The following ADGRE2 variants were observed in gnomAD, a reference collection of about 807,000 sequenced individuals.
The protein encoded by ADGRE2 is CD97 antigen.
In ADGRE2, 83 loss-of-function variants were observed where a neutral mutation model predicts 100.8. The ratio of observed to expected loss-of-function variants is 0.82; its 90% confidence interval spans 0.69 to 0.99. The LOEUF is 0.99. ADGRE2 is among the 50% of genes least tolerant of loss of function. The pLI is 0.00. For missense variants in ADGRE2, 814 were observed against 1,035.7 expected, an observed-to-expected ratio of 0.79 and a Z score of 2.94; for synonymous variants, 355 against 413.0, an observed-to-expected ratio of 0.86 and a Z score of 1.70.
chr19:14,749,443 A>T (rs1242597965), intron 16 of ADGRE2, among the ~76,000 whole-genome samples: 1 of 141,036 alleles, frequency 7.1e-6, no homozygotes, highest in African/African-American at 2.5e-5. Flanking sequence ...ATGTAATATA[A>T]TTATTTATAG....
In ADGRE2 at chr19:14,746,225, A is replaced by G; in HGVS notation, c.2183+7T>C. The G allele has an allele frequency of 6.4e-7, 1 of 1,558,388 alleles. No homozygotes were observed. The highest frequency in any genetic ancestry group is 8.8e-7 in the Non-Finnish European group (1 of 1,131,166). On this transcript the variant is annotated splice_region_variant and intron_variant, in intron 18 of 20. Coordinates refer to ENST00000315576, the MANE Select transcript of ADGRE2 (RefSeq NM_013447.4). ...CTGTGTGGTTATCACCCCCTTCTCC[A>G]TCTTACCTTGTGTTCCGGAGGGTGG... is the stretch of plus-strand genomic sequence containing the variant.
chr19:14,768,432 G>A (rs1287387918), intron 5 of ADGRE2, among the ~76,000 whole-genome samples: 1 of 152,230 alleles, frequency 6.6e-6, no homozygotes, highest in Non-Finnish European at 1.5e-5. Context: ...CCTGGGTGAA[G>A]GTTTAGTGGC....
intron 10 of ADGRE2, 34 bp downstream of exon 10, chr19:14,765,286 T>C (rs758148212): frequency 1.2e-6 from 2 of 1,613,302 alleles, no homozygotes; most frequent in South Asian, 2.2e-5. Context: ...GCCACCTTCC[T>C]GCCTCGCCCC....
chr19:14,748,734 A>G (rs978838201), intron 16 of ADGRE2, among the ~76,000 whole-genome samples: 1 of 152,198 alleles, frequency 6.6e-6, no homozygotes, highest in Non-Finnish European at 1.5e-5. Context: ...TAGTGTTAAT[A>G]GTTCACAAAA....
At chr19:14,738,435 G>A (rs1386759133) in intron 20 of ADGRE2, among the ~76,000 whole-genome samples, 1 of 152,118 alleles carries the variant, frequency 6.6e-6, no homozygotes, top group East Asian at 1.9e-4. Context: ...CTGGAGTGCA[G>A]TGATGGGATC....
rs1217499292 is a variant in ADGRE2, at chr19:14,755,822, C to T, written c.1248G>A (p.Glu416=). The change falls in exon 13 of 21, where the codon GAG becomes GAA. Residue 416 remains glutamate (E), a synonymous_variant. Coordinates refer to ENST00000315576, the MANE Select transcript of ADGRE2 (RefSeq NM_013447.4). ...TCTCAGGTTCCAGGACCAGAGGGGCCTCAGCCAGCAACTTGCCCATCCCTG... is the reference window on the plus strand; with the variant it reads ...TCTCAGGTTCCAGGACCAGAGGGGCTTCAGCCAGCAACTTGCCCATCCCTG... ...SIPGMGKLLA[E]APLVLEPEKQ... The T allele has an allele frequency of 6.2e-7, 1 of 1,614,100 alleles. No homozygotes were observed. Among genetic ancestry groups the T allele is most frequent in the African/African-American group, 1.3e-5 (1 of 74,932 alleles).
chr19:14,751,499 A>T lies in ADGRE2; in HGVS notation c.1961T>A (p.Val654Asp). The T allele has an allele frequency of 6.2e-7, 1 of 1,613,954 alleles. No homozygotes were observed. Among genetic ancestry groups the T allele is most frequent in the Middle Eastern group, 1.6e-4 (1 of 6,062 alleles). ...KKLMFPVGYG[V>D]PAVTVAISAA... The stretch of plus-strand genomic sequence containing the variant: ...AGAAATGGCCACTGTCACAGCTGGG[A>T]CTCCGTAGCCCACAGGGAACATGAG... Residue 654 changes from valine (V) to aspartate (D), a missense_variant, in exon 16 of 21, where the codon GTC becomes GAC. Physicochemically the swap from Val to Asp is radical, Grantham distance 152 (BLOSUM62 -3). Around this residue, in one of 5 missense-constraint regions of ADGRE2, gnomAD observed 569 missense variants for 692.7 expected, o/e 0.82. Transcript: ENST00000315576.
chr19:14,744,804 A>G (rs145767811), intron 18 of ADGRE2, among the ~76,000 whole-genome samples: 1 of 151,984 alleles, frequency 6.6e-6, no homozygotes, highest in African/African-American at 2.4e-5. Context: ...GGAGGATTGC[A>G]TGAGAAGTGA....
chr19:14,724,821 G>T, the ADGRE2 span, among the ~76,000 whole-genome samples: 4 of 152,150 alleles, frequency 2.6e-5, no homozygotes, highest in Middle Eastern at 3.2e-3. Flanking sequence ...TGACTGTGCT[G>T]CTTGATTCTT....
chr19:14,777,028 A>G (rs2044471826), intron 1 of ADGRE2, 101 bp from the exon 2 acceptor site: 11 of 1,257,208 alleles, frequency 8.7e-6, no homozygotes, highest in Non-Finnish European at 1.0e-5. Context: ...GTACTCGCTC[A>G]GCAAGAATGA....
At chr19:14,725,630 G>GA in the ADGRE2 span, among the ~76,000 whole-genome samples, 3 of 152,174 alleles carry the variant, frequency 2.0e-5, no homozygotes, top group East Asian at 5.8e-4. Flanking sequence ...CAGGCCAAAA[G>GA]AAAAAGGCAA....
intron 6 of ADGRE2, among the ~76,000 whole-genome samples, chr19:14,766,724 T>C (rs942630956): frequency 6.6e-6 from 1 of 152,114 alleles, no homozygotes; most frequent in East Asian, 1.9e-4. Flanking sequence ...CTTCTTCCAC[T>C]CGCACGTGAC....
intron 11 of ADGRE2, among the ~76,000 whole-genome samples, chr19:14,761,449 C>T (rs2043720089): frequency 1.3e-5 from 2 of 152,156 alleles, no homozygotes; most frequent in Non-Finnish European, 2.9e-5. Flanking sequence ...AGCTGTACCA[C>T]GACTACCTTG....
Position 14,776,917 on chromosome 19 carries a change from T to C in ADGRE2, c.-161A>G. 6.8e-7 allele frequency: 1 copy of C among 1,481,030 alleles called. No individual in the cohort carries two copies. The highest frequency in any genetic ancestry group is 9.0e-7 in the Non-Finnish European group (1 of 1,113,812). The allele number at this position is 1,481,030 out of a possible 1,614,324, so 91.7% of individuals were successfully genotyped here. On this transcript the variant is annotated 5_prime_UTR_variant, in exon 2 of 21. Coordinates refer to ENST00000315576, the MANE Select transcript of ADGRE2 (RefSeq NM_013447.4). ...GCTGGCCCAGGGCCCTCCCCGGAAC[T>C]GGCGGTGCAGCTGGAAGCCAGCAGG...
At chr19:14,749,166 ATATATAACCATATAAT>A (rs146420940) in intron 16 of ADGRE2, among the ~76,000 whole-genome samples, 55,731 of 147,414 alleles carry the variant, frequency 0.38, 12,004 homozygotes, top group African/African-American at 0.58. Flanking sequence ...ATAATTAATC[ATATATAACCATATAAT>A]TATATAACCA....
chr19:14,767,397 C>T (rs1242981330), intron 5 of ADGRE2, among the ~76,000 whole-genome samples: 2 of 152,068 alleles, frequency 1.3e-5, no homozygotes, highest in Admixed American at 6.6e-5. Flanking sequence ...CGCCACCATG[C>T]CCGGCTAATT....
At chr19:14,728,173 A>G (rs1040644762), downstream of ADGRE2, among the ~76,000 whole-genome samples, 2 of 152,244 alleles carry the variant, frequency 1.3e-5, no homozygotes, top group Non-Finnish European at 2.9e-5. Context: ...AGATTGTGCC[A>G]CTGCACTCCA....
chr19:14,749,396 A>T (rs906580951), intron 16 of ADGRE2, among the ~76,000 whole-genome samples: 4 of 140,896 alleles, frequency 2.8e-5, no homozygotes, highest in Non-Finnish European at 6.1e-5. Context: ...ATAGTTATAT[A>T]ATATAATTAT....
downstream of ADGRE2, chr19:14,731,219 G>C (rs1338929068): frequency 3.3e-6 from 5 of 1,531,168 alleles, no homozygotes; most frequent in Non-Finnish European, 3.5e-6. Flanking sequence ...GTACTCTCTT[G>C]CATGTTCAGA....
Sources: gnomAD v4.1 joint callset for allele counts (sites outside exome capture counted in the v4.1 genomes callset) on GRCh38, gnomAD v4.1.1 for gene constraint, gnomAD v4.1.1 regional missense constraint, MANE v1.5 for transcripts, NCBI Gene and HGNC (gene_info 2026-07-23, HGNC 2026-07-21) for gene names.